The following DAPP1 variants were observed in gnomAD, a reference collection of about 807,000 sequenced individuals.
The protein encoded by DAPP1 is dual adapter for phosphotyrosine and 3-phosphotyrosine and 3-phosphoinositide.
In DAPP1, 20 loss-of-function variants were observed where a neutral mutation model predicts 41.5. The ratio of observed to expected loss-of-function variants is 0.48; its 90% confidence interval spans 0.34 to 0.70. The LOEUF (loss-of-function observed/expected upper bound fraction) is 0.70, where lower values mean the gene tolerates loss of function less well. DAPP1 is among the 30% of genes least tolerant of loss of function. DAPP1 has a pLI of 0.01. For synonymous variants in DAPP1, 113 were observed against 116.2 expected, an observed-to-expected ratio of 0.97 and a Z score of 0.18; for missense variants, 233 against 333.4, an observed-to-expected ratio of 0.70 and a Z score of 2.35.
chr4:99,838,324 C>T (rs913600657), intron 2 of DAPP1, among the ~76,000 whole-genome samples: 1 of 152,160 alleles, frequency 6.6e-6, no homozygotes, highest in African/African-American at 2.4e-5. Context: ...ACAAAAACCA[C>T]AGACTAATTC....
At chr4:99,844,782 C>G (rs914034815) in intron 3 of DAPP1, 2 of 152,160 alleles carry the variant, frequency 1.3e-5, no homozygotes, top group African/African-American at 4.8e-5. Context: ...ATCTCCATTT[C>G]TCTTTTTGTT....
chr4:99,865,957 TTATATATATTATATATATA>T, intron 7 of DAPP1, 58 bp from the exon 8 acceptor site: 2 of 58,370 alleles, frequency 3.4e-5, no homozygotes, highest in Non-Finnish European at 6.6e-5. Context: ...ATATATTATA[TTATATATATTATATATATA>T]TATATATATA....
Position 99,869,941 on chromosome 4 carries a change from CAAACAAAACA to C in DAPP1, c.*1765_*1774del, listed in dbSNP as rs569826698. The C allele has an allele frequency of 6.6e-6, 1 of 150,842 alleles. No individual in the cohort carries two copies. Among genetic ancestry groups the C allele is most frequent in the South Asian group, 2.1e-4 (1 of 4,794 alleles). 9.3% of individuals were successfully genotyped at this position (150,842 alleles called of 1,614,324 possible). ...TCAGACTCCGTCCCAAAAAAACAAA[CAAACAAAACA>C]AAACAAAAAAAAACAGAAGTTACAA... On this transcript the variant is annotated 3_prime_UTR_variant, in exon 9 of 9. Transcript: ENST00000512369.
At chr4:99,838,669 T>C (rs1723384554) in intron 2 of DAPP1, among the ~76,000 whole-genome samples, 1 of 152,200 alleles carries the variant, frequency 6.6e-6, no homozygotes, top group African/African-American at 2.4e-5. Flanking sequence ...TAATGCTTGC[T>C]CACCCACTGC....
chr4:99,824,106 C>T (rs997784222), intron 1 of DAPP1, among the ~76,000 whole-genome samples: 8 of 152,186 alleles, frequency 5.3e-5, no homozygotes, highest in Non-Finnish European at 8.8e-5. Context: ...GGTTGATTCA[C>T]CAGATACTCT....
intron 3 of DAPP1, among the ~76,000 whole-genome samples, chr4:99,847,810 T>TTGTG (rs1723717030): frequency 6.6e-6 from 1 of 151,720 alleles, no homozygotes. Context: ...GTTTGTTTGT[T>TTGTG]TGTTTGTTTG....
intron 1 of DAPP1, among the ~76,000 whole-genome samples, chr4:99,817,842 A>G (rs573465426): frequency 6.6e-6 from 1 of 152,364 alleles, no homozygotes; most frequent in Non-Finnish European, 1.5e-5. Flanking sequence ...TTCTGCCTGG[A>G]CAAATAGCTC....
intron 1 of DAPP1, among the ~76,000 whole-genome samples, chr4:99,828,633 G>A (rs1021409536): frequency 8.5e-5 from 13 of 152,168 alleles, no homozygotes; most frequent in African/African-American, 2.4e-4. Context: ...AAGCTGAACC[G>A]AGGACCAGCT....
chr4:99,853,035 A>G (rs1038505254), intron 3 of DAPP1, among the ~76,000 whole-genome samples, 183 bp from the exon 4 acceptor site: 1 of 152,150 alleles, frequency 6.6e-6, no homozygotes, highest in Non-Finnish European at 1.5e-5. Flanking sequence ...ATCATGCTTT[A>G]TATCTCAGTG....
At chr4:99,858,856 C>T (rs1724138409) in intron 4 of DAPP1, among the ~76,000 whole-genome samples, 1 of 151,798 alleles carries the variant, frequency 6.6e-6, no homozygotes, top group African/African-American at 2.4e-5. Flanking sequence ...GGGAAAGAGC[C>T]CTTTCAAGTG....
intron 4 of DAPP1, among the ~76,000 whole-genome samples, chr4:99,860,258 A>G (rs1374177621): frequency 6.6e-6 from 1 of 152,228 alleles, no homozygotes; most frequent in Non-Finnish European, 1.5e-5. Context: ...AGAATACTAC[A>G]CTTATAGTAC....
At chr4:99,858,889 A>C (rs1191139597) in intron 4 of DAPP1, among the ~76,000 whole-genome samples, 3 of 150,558 alleles carry the variant, frequency 2.0e-5, no homozygotes, top group Admixed American at 6.6e-5. Flanking sequence ...ATATGACCTC[A>C]AAAAAAATTT....
chr4:99,837,339 C>T (rs1445930534), intron 2 of DAPP1, among the ~76,000 whole-genome samples: 2 of 152,140 alleles, frequency 1.3e-5, no homozygotes, highest in Non-Finnish European at 2.9e-5. Context: ...TGCTGCCTGC[C>T]ACAACTCCCA....
intron 4 of DAPP1, among the ~76,000 whole-genome samples, chr4:99,853,854 G>T (rs1723953849): frequency 6.6e-6 from 1 of 152,132 alleles, no homozygotes; most frequent in Admixed American, 6.5e-5. Context: ...ATAGTAATAG[G>T]ATTTTAAATA....
At chr4:99,823,871 G>A (rs1483576191) in intron 1 of DAPP1, among the ~76,000 whole-genome samples, 4 of 152,034 alleles carry the variant, frequency 2.6e-5, no homozygotes, top group African/African-American at 9.7e-5. Context: ...GTAGAATCCA[G>A]CAATTCCATT....
chr4:99,827,554 C>CAAA (rs60798743), intron 1 of DAPP1, among the ~76,000 whole-genome samples: 53,123 of 139,802 alleles, frequency 0.38, 11,839 homozygotes, highest in African/African-American at 0.58. Context: ...AACAAAAAAA[C>CAAA]AAAACAAAAA....
chr4:99,832,558 C>A (rs1188801403), intron 1 of DAPP1, among the ~76,000 whole-genome samples: 1 of 152,180 alleles, frequency 6.6e-6, no homozygotes, highest in Non-Finnish European at 1.5e-5. Flanking sequence ...CTGTAAACTC[C>A]TGAAAAGGCA....
Position 99,818,183 on chromosome 4 carries a change from C to A in DAPP1, c.101+1169C>A, listed in dbSNP as rs77238705. 3.9e-3 allele frequency among the ~76,000 whole-genome samples: 590 copies of A among 152,240 alleles called. 3 individuals carry two copies. Among genetic ancestry groups the A allele is most frequent in the African/African-American group, 0.013 (559 of 41,524 alleles). The stretch of plus-strand genomic sequence containing the variant: ...TCATTTGGCAAATCAGATAAAACAC[C>A]TGGAATTTTCATTAAAGAAAACTCC... On this transcript the variant is annotated intron_variant, in intron 1 of 8. Coordinates refer to ENST00000512369, the MANE Select transcript of DAPP1 (RefSeq NM_014395.3).
intron 3 of DAPP1, among the ~76,000 whole-genome samples, 188 bp from the exon 4 acceptor site, chr4:99,853,030 G>A (rs752288122): frequency 1.3e-5 from 2 of 152,130 alleles, no homozygotes; most frequent in Non-Finnish European, 2.9e-5. Flanking sequence ...TCTCCATCAT[G>A]CTTTATATCT....
Sources: allele counts gnomAD v4.1 joint callset (sites outside exome capture counted in the v4.1 genomes callset), GRCh38; gene constraint gnomAD v4.1.1; transcripts MANE v1.5; gene names NCBI Gene and HGNC (gene_info 2026-07-23, HGNC 2026-07-21).